Variants in NECTIN3 observed in about 807,000 individuals in gnomAD.
NECTIN3 encodes nectin-3.
A neutral mutation model predicts 49.4 loss-of-function variants in NECTIN3; 8 were observed. The ratio of observed to expected loss-of-function variants is 0.16; its 90% CI spans 0.10 to 0.29. The LOEUF (loss-of-function observed/expected upper bound fraction) is 0.29. Among genes scored for constraint, NECTIN3 ranks in the 10% least tolerant of loss-of-function variants. The pLI, the probability that NECTIN3 is intolerant of heterozygous loss-of-function variation, is 1.00. For synonymous variants in NECTIN3, 277 were observed against 241.1 expected (o/e 1.15, Z -1.38); for missense variants, 581 against 654.6 (o/e 0.89, Z 1.23).
Position 111,136,630 on chromosome 3 carries a change from TATTC to T in NECTIN3, c.*2418_*2421del, listed in dbSNP as rs1257869248. The T allele has an allele frequency of 1.1e-6, 1 of 908,222 alleles. No individual in the cohort carries two copies. The highest frequency in any genetic ancestry group is 6.2e-5 in the Admixed American group (1 of 16,022). The allele number at this position is 908,222 out of a possible 1,614,324, so 56.3% of individuals were successfully genotyped here. A position where few individuals can be genotyped will look rare whatever the true frequency, so the allele number is the denominator to read the frequency against. ...TAAATTAGTTTTTGAATACCAGTGA[TATTC>T]ATAACTACTTGACAGGTATATATGA... On this transcript the variant is annotated 3_prime_UTR_variant, in exon 6 of 6. Coordinates refer to ENST00000485303, the MANE Select transcript of NECTIN3 (RefSeq NM_015480.3).
intron 1 of NECTIN3, among the ~76,000 whole-genome samples, chr3:111,103,527 C>T (rs548977509): frequency 8.7e-5 from 13 of 150,274 alleles, no homozygotes; most frequent in Admixed American, 5.9e-4. Flanking sequence ...GGAGTTTTTT[C>T]ATCACCCACA....
intron 1 of NECTIN3, among the ~76,000 whole-genome samples, chr3:111,076,889 T>A (rs2031236104): frequency 6.6e-6 from 1 of 151,310 alleles, no homozygotes; most frequent in Non-Finnish European, 1.5e-5. Flanking sequence ...GCAGGCTAAT[T>A]GCTTGAACCC....
chr3:111,186,447 C>T (rs1371358248), intron 7 of NECTIN3, among the ~76,000 whole-genome samples: 1 of 152,112 alleles, frequency 6.6e-6, no homozygotes, highest in Non-Finnish European at 1.5e-5. Flanking sequence ...CAACAAAAAA[C>T]AAGCAATGAG....
At chr3:111,174,165 G>A (rs1042190926) in intron 7 of NECTIN3, among the ~76,000 whole-genome samples, 11 of 152,062 alleles carry the variant, frequency 7.2e-5, no homozygotes, top group Non-Finnish European at 1.3e-4. Context: ...CACTAATACT[G>A]GTTAACCTTT....
At chr3:111,077,404 T>TA (rs927325812) in intron 1 of NECTIN3, 2 of 214,788 alleles carry the variant, frequency 9.3e-6, no homozygotes, top group Admixed American at 5.6e-5. Flanking sequence ...TTGCACCCAA[T>TA]AGAGGCCCTT....
At chr3:111,172,186 T>G (rs904423454) in intron 7 of NECTIN3, among the ~76,000 whole-genome samples, 1 of 152,152 alleles carries the variant, frequency 6.6e-6, no homozygotes, top group African/African-American at 2.4e-5. Context: ...ATCCTCTTTC[T>G]TCCTTCTAAC....
intron 1 of NECTIN3, among the ~76,000 whole-genome samples, chr3:111,087,680 T>G (rs1374986898): frequency 6.6e-6 from 1 of 151,952 alleles, no homozygotes; most frequent in African/African-American, 2.4e-5. Flanking sequence ...AAAACAGCCT[T>G]TTAAAAATTT....
At chr3:111,154,850 T>C (rs1354991514) in intron 7 of NECTIN3, among the ~76,000 whole-genome samples, 1 of 152,210 alleles carries the variant, frequency 6.6e-6, no homozygotes, top group African/African-American at 2.4e-5. Flanking sequence ...TTGAAGAGTT[T>C]TGAGAGTTCT....
At chr3:111,121,965 G>A (rs2033975264) in intron 3 of NECTIN3, among the ~76,000 whole-genome samples, 156 bp from the exon 4 acceptor site, 1 of 152,078 alleles carries the variant, frequency 6.6e-6, no homozygotes, top group Non-Finnish European at 1.5e-5. Context: ...CAATACTTGT[G>A]GAGTAGTGTC....
chr3:111,134,323 T>C lies in NECTIN3; in HGVS notation c.*108T>C. ...GGAAGAATAAGCTTTTTCAAGTTGATTTTCAAGCTTACTTTTTATATTCTA... is the reference window on the plus strand; with the variant it reads ...GGAAGAATAAGCTTTTTCAAGTTGACTTTCAAGCTTACTTTTTATATTCTA... On this transcript the variant is annotated 3_prime_UTR_variant, in exon 6 of 6. Transcript: ENST00000485303. 3 of 1,451,282 alleles carry C rather than the reference T, an allele frequency of 2.1e-6. No individual in the cohort carries two copies. The highest frequency in any genetic ancestry group is 2.7e-6 in the Non-Finnish European group (3 of 1,104,956). The allele number at this position is 1,451,282 out of a possible 1,614,324, so 89.9% of individuals were successfully genotyped here.
At chr3:111,125,618 C>G (rs971156594) in intron 4 of NECTIN3, among the ~76,000 whole-genome samples, 1 of 152,128 alleles carries the variant, frequency 6.6e-6, no homozygotes, top group Non-Finnish European at 1.5e-5. Context: ...AGATGCCCAC[C>G]TTACAAGTGA....
intron 7 of NECTIN3, among the ~76,000 whole-genome samples, chr3:111,183,459 C>T (rs936211576): frequency 5.3e-5 from 8 of 151,854 alleles, no homozygotes; most frequent in African/African-American, 1.9e-4. Flanking sequence ...TTAGAGGCGC[C>T]CGCCACCACA....
rs186848230 is a variant in NECTIN3 at position 111,119,372 on chromosome 3, G to A, written c.799+420G>A. 3.3e-3 allele frequency among the ~76,000 whole-genome samples: 508 copies of A among 152,230 alleles called. 3 individuals are homozygous for A. The highest frequency in any genetic ancestry group is 0.01 in the African/African-American group (416 of 41,550). On this transcript the variant is annotated intron_variant, in intron 3 of 5. Coordinates refer to ENST00000485303, the MANE Select transcript of NECTIN3 (RefSeq NM_015480.3). ...TGCTCTGCCGCCAGGCTGGACTGCCGCCAGGCTGGAGTGTAGTGGCGTCAT... is the reference window on the plus strand; with the variant it reads ...TGCTCTGCCGCCAGGCTGGACTGCCACCAGGCTGGAGTGTAGTGGCGTCAT...
In NECTIN3 at chr3:111,184,039, C is replaced by G. The variant is rs560687565; in HGVS notation, c.1222-8312C>G. Among the ~76,000 whole-genome samples the G allele has an allele frequency of 9.2e-5, 14 of 152,188 alleles. No individual in the cohort carries two copies. In the East Asian group the frequency reaches 2.5e-3, roughly 27 times the overall value. Reference sequence around the variant, plus strand: ...CTAAGACTATATTCAATTTTTTCAGCCTTTTTTCCCTCTGTTCTTTTGTAT... The same window carrying G: ...CTAAGACTATATTCAATTTTTTCAGGCTTTTTTCCCTCTGTTCTTTTGTAT... On this transcript the variant is annotated intron_variant, in intron 7 of 8. Coordinates refer to the NECTIN3 transcript ENST00000493615.
chr3:111,122,077 C>A, intron 3 of NECTIN3, 44 bp from the exon 4 acceptor site: 2 of 1,273,784 alleles, frequency 1.6e-6, no homozygotes, highest in South Asian at 1.2e-5. Flanking sequence ...TTGCATTTAT[C>A]ATTAACAAAA....
chr3:111,072,824 C>G (rs2030884256), intron 1 of NECTIN3: 8 of 409,122 alleles, frequency 2.0e-5, no homozygotes, highest in Non-Finnish European at 3.1e-5. Context: ...TTTTACCAAA[C>G]CGCAGGAACA....
chr3:111,077,223 G>A (rs763603901), intron 1 of NECTIN3: 4 of 442,784 alleles, frequency 9.0e-6, no homozygotes, highest in African/African-American at 8.1e-5. Flanking sequence ...CAAGACTATT[G>A]ACTGCCCACC....
intron 1 of NECTIN3, chr3:111,074,849 G>C (rs2031062530): frequency 6.6e-6 from 1 of 151,904 alleles, no homozygotes. Flanking sequence ...TAGATGATTA[G>C]ATTTATCTCA....
At chr3:111,107,527 T>C (rs759504869) in intron 1 of NECTIN3, among the ~76,000 whole-genome samples, 3 of 152,190 alleles carry the variant, frequency 2.0e-5, no homozygotes, top group Non-Finnish European at 4.4e-5. Context: ...TTGCTAGATG[T>C]GGAAGATTCA....
Sources: gnomAD v4.1 joint callset for allele counts (sites outside exome capture counted in the v4.1 genomes callset) on GRCh38, gnomAD v4.1.1 for gene constraint, MANE v1.5 for transcripts, NCBI Gene and HGNC (gene_info 2026-07-23, HGNC 2026-07-21) for gene names.